VEZT: variants seen among roughly 807,000 people sequenced by gnomAD.
VEZT encodes the protein vezatin, adherens junctions transmembrane protein, also known as vezatin.
A neutral mutation model predicts 79.9 loss-of-function variants in VEZT; 39 were observed. The observed-to-expected ratio is 0.49, with a 90% confidence interval of 0.38 to 0.64. The LOEUF (loss-of-function observed/expected upper bound fraction) is 0.64. Among genes scored for constraint, VEZT ranks in the 30% least tolerant of loss-of-function variants. The pLI is 0.00. For missense variants in VEZT, 837 were observed against 893.1 expected (o/e 0.94, Z 0.80); for synonymous variants, 325 against 327.6 (o/e 0.99, Z 0.09).
intron 4 of VEZT, among the ~76,000 whole-genome samples, chr12:95,264,430 G>A (rs2138479079): frequency 6.6e-6 from 1 of 152,170 alleles, no homozygotes; most frequent in East Asian, 1.9e-4. Context: ...GGAAATTAGG[G>A]CAAATATTTA....
At chr12:95,221,524 A>T (rs907982368) in intron 1 of VEZT, among the ~76,000 whole-genome samples, 3 of 150,088 alleles carry the variant, frequency 2.0e-5, no homozygotes, top group African/African-American at 7.4e-5. Flanking sequence ...ACAGAGTAAG[A>T]TTCCATCTCA....
chr12:95,237,767 T>A (rs1015406313), intron 1 of VEZT, among the ~76,000 whole-genome samples: 2 of 152,374 alleles, frequency 1.3e-5, no homozygotes, highest in Middle Eastern at 6.8e-3. Flanking sequence ...ACCTTAAAAT[T>A]TCTTGACTTC....
chr12:95,244,138 A>G (rs1345147654), intron 1 of VEZT: 4 of 363,068 alleles, frequency 1.1e-5, no homozygotes, highest in Non-Finnish European at 2.1e-5. Flanking sequence ...CCTTACACCT[A>G]TAATCCCAGT....
At chr12:95,224,937 A>G (rs528312870) in intron 1 of VEZT, among the ~76,000 whole-genome samples, 1 of 152,298 alleles carries the variant, frequency 6.6e-6, no homozygotes, top group East Asian at 1.9e-4. Flanking sequence ...TCACATGCAC[A>G]TTTCACAATA....
chr12:95,262,949 A>G lies in VEZT; in HGVS notation c.302A>G (p.Gln101Arg). The G allele has an allele frequency of 1.2e-6, 2 of 1,611,834 alleles. No individual in the cohort carries two copies. The highest frequency in any genetic ancestry group is 1.7e-6 in the Non-Finnish European group (2 of 1,178,304). ...RLDSLHTILQ[Q>R]EVLLQEDVEL... ...GACTCATTACATACCATCCTGCAAC[A>G]GGAAGTCCTGTTACAAGAGGATGTG... The change falls in exon 4 of 12, where the codon CAG becomes CGG. Residue 101 changes from glutamine (Q) to arginine (R), a missense_variant. Physicochemically the swap from Gln to Arg is conservative, Grantham distance 43 (BLOSUM62 1). Transcript: ENST00000436874.
In VEZT at chr12:95,217,834, T is replaced by C; in HGVS notation, c.-17T>C. The C allele has an allele frequency of 6.5e-7, 1 of 1,543,542 alleles. No individual in the cohort carries two copies. The highest frequency in any genetic ancestry group is 8.7e-7 in the Non-Finnish European group (1 of 1,149,962). On this transcript the variant is annotated 5_prime_UTR_variant, in exon 1 of 12. Transcript: ENST00000436874. ...TCATTTCCCATCGTGCTGAGGCGGG[T>C]GGCATGGCGGAGAAGGATGACACCG...
intron 4 of VEZT, among the ~76,000 whole-genome samples, chr12:95,264,182 A>G (rs1051882790): frequency 2.0e-5 from 3 of 152,158 alleles, no homozygotes; most frequent in Admixed American, 6.5e-5. Context: ...CTCAGATATG[A>G]TCATGAAGAA....
At chr12:95,292,229 C>T (rs2073031785) in intron 9 of VEZT, among the ~76,000 whole-genome samples, 1 of 152,206 alleles carries the variant, frequency 6.6e-6, no homozygotes, top group Non-Finnish European at 1.5e-5. Flanking sequence ...GGTGCATTTA[C>T]ACCATGGGAA....
In VEZT at chr12:95,270,113, T is replaced by A. The variant is rs2066305377; in HGVS notation, c.773T>A (p.Leu258His). The stretch of plus-strand genomic sequence containing the variant: ...CATCCAAGTCAGCATCTCATCGGTC[T>A]TCGGAAAGCTGTCTACCGAACTCTA... ...GQHPSQHLIG[L>H]RKAVYRTLRA... The change falls in exon 6 of 12, where the codon CTT becomes CAT. Residue 258 changes from leucine to histidine, a missense_variant. Physicochemically the swap from Leu to His is moderately conservative, Grantham distance 99. Transcript: ENST00000436874. 1.9e-6 allele frequency: 3 copies of A among 1,612,080 alleles called. No individual in the cohort carries two copies. The South Asian group carries it at 3.3e-5, about 18-fold the overall frequency.
intron 1 of VEZT, chr12:95,245,662 A>T: frequency 2.4e-6 from 1 of 417,942 alleles, no homozygotes; most frequent in South Asian, 1.7e-5. Context: ...AGTTTAAAGC[A>T]GTTTAAAAGA....
intron 1 of VEZT, among the ~76,000 whole-genome samples, chr12:95,243,254 G>A (rs887292995): frequency 9.3e-5 from 14 of 151,102 alleles, no homozygotes; most frequent in African/African-American, 3.4e-4. Context: ...GCATGCCTGT[G>A]GTCCCAGCTA....
chr12:95,225,614 T>A (rs2058320744), intron 1 of VEZT, among the ~76,000 whole-genome samples: 1 of 151,860 alleles, frequency 6.6e-6, no homozygotes. Context: ...TGCCTCTCAA[T>A]AACCTAACAA....
intron 3 of VEZT, among the ~76,000 whole-genome samples, chr12:95,262,091 C>T (rs1318178981): frequency 6.6e-6 from 1 of 152,216 alleles, no homozygotes; most frequent in African/African-American, 2.4e-5. Flanking sequence ...TTTTGTTCAT[C>T]CTTTAAAACT....
chr12:95,258,323 T>G lies in VEZT; in HGVS notation c.258+1084T>G, dbSNP rs544633710. The G allele has an allele frequency of 1.4e-4, 63 of 455,436 alleles. 1 individual carries two copies. The highest frequency in any genetic ancestry group is 9.6e-4 in the South Asian group (62 of 64,408). The allele number at this position is 455,436 out of a possible 1,614,324, so 28.2% of individuals were successfully genotyped here. ...CCATATACATTTTTCTGTGATTTAG[T>G]CATAGTCTGCCTAGGCCTGGTCTTT... On this transcript the variant is annotated intron_variant, in intron 3 of 11. Coordinates refer to ENST00000436874, the MANE Select transcript of VEZT (RefSeq NM_017599.4).
At chr12:95,244,174 C>T (rs967897450) in intron 1 of VEZT, among the ~76,000 whole-genome samples, 16 of 151,874 alleles carry the variant, frequency 1.1e-4, no homozygotes, top group African/African-American at 3.9e-4. Context: ...GGGAGGATCA[C>T]ATGAGCCCAG....
intron 1 of VEZT, among the ~76,000 whole-genome samples, chr12:95,247,736 T>C (rs982881613): frequency 2.6e-5 from 4 of 152,136 alleles, no homozygotes; most frequent in African/African-American, 9.7e-5. Context: ...TACAAGTTAT[T>C]TGACAGTTTC....
In VEZT at chr12:95,296,264, C is replaced by A. The variant is rs1566340974; in HGVS notation, c.1831+6C>A. 2 of 1,569,008 alleles carry A rather than the reference C, an allele frequency of 1.3e-6. No homozygotes were observed. The highest frequency in any genetic ancestry group is 3.8e-5 in the Admixed American group (2 of 52,410). ...ACTTCTATTTAGTGATCATGGTAAG[C>A]ACTGACTTTAAAGTAACAGGTTATT... On this transcript the variant is annotated splice_donor_region_variant and intron_variant, in intron 11 of 11. Coordinates refer to ENST00000436874, the MANE Select transcript of VEZT (RefSeq NM_017599.4).
intron 1 of VEZT, among the ~76,000 whole-genome samples, chr12:95,222,823 A>G (rs1403512452): frequency 6.6e-6 from 1 of 152,226 alleles, no homozygotes; most frequent in Non-Finnish European, 1.5e-5. Context: ...CTTGCCTTCT[A>G]AATGAATCAA....
chr12:95,263,974 A>G (rs2065029032), intron 4 of VEZT, among the ~76,000 whole-genome samples: 1 of 152,232 alleles, frequency 6.6e-6, no homozygotes. Context: ...AAAAGCGATT[A>G]TATATAAAAA....
Sources: allele counts gnomAD v4.1 joint callset (sites outside exome capture counted in the v4.1 genomes callset), GRCh38; gene constraint gnomAD v4.1.1; transcripts MANE v1.5; gene names NCBI Gene and HGNC (gene_info 2026-07-23, HGNC 2026-07-21).